The following UNC13B variants were observed in gnomAD, a reference collection of about 807,000 sequenced individuals.
UNC13B encodes the protein protein unc-13 homolog B.
In UNC13B, 144 loss-of-function variants were observed where a neutral mutation model predicts 211.0. The ratio of observed to expected loss-of-function variants is 0.68; its 90% CI spans 0.60 to 0.78. UNC13B has a LOEUF of 0.78. UNC13B is among the 30% of genes least tolerant of loss of function. UNC13B has a pLI of 0.00. For missense variants in UNC13B, 1,777 were observed against 2,002.0 expected (o/e 0.89, Z 2.14); for synonymous variants, 709 against 725.8 (o/e 0.98, Z 0.37).
intron 6 of UNC13B, among the ~76,000 whole-genome samples, chr9:35,247,448 G>A (rs1017917829): frequency 6.6e-6 from 1 of 152,154 alleles, no homozygotes; most frequent in Non-Finnish European, 1.5e-5. Context: ...CAAAGGGAAT[G>A]CTTCCAGTTT....
chr9:35,403,211 G>C lies in UNC13B; in HGVS notation c.12529G>C (p.Asp4177His), dbSNP rs1295851785. ...DPVGEVSIQV[D>H]LFTHPGTGEH... Reference sequence around the variant, plus strand: ...TGTGGGAGAAGTCTCTATTCAGGTGGACTTGTTTACACACCCTGGTACTGG... The same window carrying C: ...TGTGGGAGAAGTCTCTATTCAGGTGCACTTGTTTACACACCCTGGTACTGG... Residue 4177 changes from aspartate to histidine, a missense_variant, in exon 38 of 40, where the codon GAC becomes CAC. By Grantham distance (81) the Asp-to-His change is moderately conservative. Coordinates refer to ENST00000635942, the MANE Select transcript of UNC13B (RefSeq NM_001371189.2). The C allele has an allele frequency of 2.5e-6, 4 of 1,614,150 alleles. No homozygotes were observed. In the Admixed American group the frequency reaches 6.7e-5, roughly 27 times the overall value.
chr9:35,290,921 T>C, intron 7 of UNC13B: 1 of 720,764 alleles, frequency 1.4e-6, no homozygotes, highest in Non-Finnish European at 2.3e-6. Flanking sequence ...GCAGAAACTC[T>C]ATGTTATGTA....
intron 7 of UNC13B, among the ~76,000 whole-genome samples, chr9:35,261,131 C>CA (rs777499491): frequency 3.3e-5 from 5 of 152,150 alleles, no homozygotes; most frequent in East Asian, 3.9e-4. Context: ...CAAGAGTGCT[C>CA]ATTACCCTTT....
chr9:35,402,624 C>G (rs1268946424), intron 37 of UNC13B, among the ~76,000 whole-genome samples: 2 of 151,988 alleles, frequency 1.3e-5, no homozygotes, highest in African/African-American at 4.8e-5. Context: ...CTAAGGGGAG[C>G]CTGTAGATTG....
At chr9:35,364,288 G>A (rs1833625562) in intron 11 of UNC13B, among the ~76,000 whole-genome samples, 1 of 130,614 alleles carries the variant, frequency 7.7e-6, no homozygotes, top group Non-Finnish European at 1.5e-5. Flanking sequence ...GAACCCCTGG[G>A]TAGATTTTGT....
chr9:35,189,424 A>G (rs1259679748), intron 1 of UNC13B, among the ~76,000 whole-genome samples: 2 of 152,228 alleles, frequency 1.3e-5, no homozygotes, highest in Non-Finnish European at 2.9e-5. Context: ...TGGAACATTT[A>G]GCAAACCTAG....
chr9:35,183,492 A>G (rs1381897669), intron 1 of UNC13B, among the ~76,000 whole-genome samples: 2 of 114,064 alleles, frequency 1.8e-5, no homozygotes, highest in South Asian at 3.2e-4. Flanking sequence ...GGCGCTCCTC[A>G]CCTCCCAGAC....
chr9:35,305,881 G>C lies in UNC13B; in HGVS notation c.6477G>C (p.Lys2159Asn). The C allele has an allele frequency of 2.5e-6, 1 of 398,988 alleles. No individual in the cohort carries two copies. The allele number at this position is 398,988 out of a possible 1,614,324, so 24.7% of individuals were successfully genotyped here. A position where few individuals can be genotyped will look rare whatever the true frequency, so the allele number is the denominator to read the frequency against. Reference sequence around the variant, plus strand: ...CTCAACCAGAGTTATCAACCAAAAAGAGTATATTTTCTTTTCTCACTGGAT... The same window carrying C: ...CTCAACCAGAGTTATCAACCAAAAACAGTATATTTTCTTTTCTCACTGGAT... ...SSSQPELSTKKSIFSFLTGSE... is the reference protein window; with the variant it reads ...SSSQPELSTKNSIFSFLTGSE... The change falls in exon 9 of 40, where the codon AAG becomes AAC. Residue 2159 changes from lysine to asparagine, a missense_variant. Physicochemically the swap from Lys to Asn is moderately conservative, Grantham distance 94 (BLOSUM62 0). Transcript: ENST00000635942.
chr9:35,248,928 G>A (rs932221761), intron 6 of UNC13B, among the ~76,000 whole-genome samples: 13 of 152,134 alleles, frequency 8.5e-5, no homozygotes, highest in African/African-American at 2.2e-4. Flanking sequence ...TTTCTGTCTC[G>A]TTGAGCTGTC....
At position 35,237,109 on chromosome 9, in the gene UNC13B, T is replaced by C. The variant is rs144823245; in HGVS notation, c.270+523T>C. Among the ~76,000 whole-genome samples the C allele has an allele frequency of 1.2e-4, 18 of 152,286 alleles. No homozygotes were observed. In the East Asian group the frequency reaches 2.7e-3, roughly 23 times the overall value. ...CTGTCTCTATACGTTATTTCTAGGA[T>C]TGAACTCTTGCCTCACTTTCCTAGA... On this transcript the variant is annotated intron_variant, in intron 4 of 39. Coordinates refer to ENST00000635942, the MANE Select transcript of UNC13B (RefSeq NM_001371189.2).
chr9:35,210,663 A>G (rs1251705134), intron 1 of UNC13B, among the ~76,000 whole-genome samples: 1 of 151,998 alleles, frequency 6.6e-6, no homozygotes, highest in Non-Finnish European at 1.5e-5. Context: ...AGCTGGGACT[A>G]CAGGCATGTG....
intron 1 of UNC13B, among the ~76,000 whole-genome samples, chr9:35,202,494 G>A (rs1044514731): frequency 6.6e-6 from 1 of 152,230 alleles, no homozygotes; most frequent in South Asian, 2.1e-4. Flanking sequence ...AAGTCTCTTT[G>A]TAGGTCTCTA....
intron 3 of UNC13B, among the ~76,000 whole-genome samples, 167 bp from the exon 4 acceptor site, chr9:35,236,302 A>G (rs975153414): frequency 6.6e-6 from 1 of 152,184 alleles, no homozygotes; most frequent in Non-Finnish European, 1.5e-5. Context: ...GATACCTATT[A>G]TAGGTTTCTT....
At chr9:35,359,739 G>T (rs1392433967) in intron 11 of UNC13B, among the ~76,000 whole-genome samples, 1 of 152,024 alleles carries the variant, frequency 6.6e-6, no homozygotes, top group East Asian at 1.9e-4. Context: ...CTTGAATCTT[G>T]CCATTATCTC....
At chr9:35,213,084 G>C (rs1824058474) in intron 1 of UNC13B, among the ~76,000 whole-genome samples, 1 of 152,236 alleles carries the variant, frequency 6.6e-6, no homozygotes, top group Non-Finnish European at 1.5e-5. Flanking sequence ...TGCTAACTGT[G>C]TTCCAGGGCA....
intron 13 of UNC13B, 119 bp from the exon 14 acceptor site, chr9:35,375,008 A>G: frequency 9.7e-7 from 1 of 1,026,942 alleles, no homozygotes; most frequent in Non-Finnish European, 1.5e-6. Flanking sequence ...GAGTGACAAT[A>G]AAAATAGAAA....
intron 1 of UNC13B, among the ~76,000 whole-genome samples, chr9:35,217,712 A>G (rs1047202848): frequency 3.9e-4 from 60 of 152,114 alleles, no homozygotes; most frequent in African/African-American, 1.0e-3. Context: ...CTTACATTCA[A>G]TAGTTTACAG....
chr9:35,396,587 T>A lies in UNC13B; in HGVS notation c.11420T>A (p.Val3807Glu). 1.2e-6 allele frequency: 2 copies of A among 1,613,770 alleles called. No homozygotes were observed. The highest frequency in any genetic ancestry group is 1.7e-6 in the Non-Finnish European group (2 of 1,179,982). ...VRDLPVLQGQ[V>E]PEYPAWFEQF... The stretch of plus-strand genomic sequence containing the variant: ...GATCTGCCTGTCCTCCAGGGGCAGG[T>A]GCCTGAGTACCCAGCGTGAGTCATC... Residue 3807 changes from valine to glutamate, a missense_variant, in exon 27 of 40, where the codon GTG (valine) becomes GAG (glutamate). By Grantham distance (121) the Val-to-Glu change is moderately radical. Coordinates refer to ENST00000635942, the MANE Select transcript of UNC13B (RefSeq NM_001371189.2).
intron 11 of UNC13B, among the ~76,000 whole-genome samples, chr9:35,348,074 TAAAACA>T (rs964269748): frequency 6.6e-6 from 1 of 152,086 alleles, no homozygotes; most frequent in African/African-American, 2.4e-5. Context: ...CCATCTCTAC[TAAAACA>T]AAAACAAAAA....
Sources: allele counts gnomAD v4.1 joint callset (sites outside exome capture counted in the v4.1 genomes callset), GRCh38; gene constraint gnomAD v4.1.1; transcripts MANE v1.5; gene names NCBI Gene and HGNC (gene_info 2026-07-23, HGNC 2026-07-21).